The following AFMID variants were observed in gnomAD, a reference collection of about 807,000 sequenced individuals.
AFMID encodes kynurenine formamidase.
In AFMID, 39 loss-of-function variants were observed where a neutral mutation model predicts 47.5. The ratio of observed to expected loss-of-function variants is 0.82; its 90% confidence interval spans 0.64 to 1.07. AFMID has a LOEUF of 1.07. Ranked by LOEUF, AFMID falls within the 50% of genes least tolerant of loss-of-function variation. The pLI is 0.00. For missense variants in AFMID, 375 were observed against 387.5 expected (o/e 0.97, Z 0.27); for synonymous variants, 130 against 153.2 (o/e 0.85, Z 1.12).
Position 78,202,739 on chromosome 17 carries a change from G to A in AFMID, c.296G>A (p.Trp99Ter). ...TTCCTGTTCTTTCACGGAGGATACT[G>A]GCAGAGCGGAAGGTGAGTCGGGGGA... ...PFFLFFHGGY[W>*]QSGSKDESAF... The change falls in exon 4 of 11, where the codon TGG becomes TAG. Residue 99 changes from tryptophan to a stop codon, truncating the protein, a stop_gained. Coordinates refer to ENST00000409257, the MANE Select transcript of AFMID (RefSeq NM_001010982.5). LOFTEE classifies it high-confidence loss of function. 6.4e-7 allele frequency: 1 copy of A among 1,558,478 alleles called. No individual in the cohort carries two copies. Among genetic ancestry groups the A allele is most frequent in the Non-Finnish European group, 8.7e-7 (1 of 1,150,648 alleles).
intron 1 of AFMID, among the ~76,000 whole-genome samples, chr17:78,189,830 GTTT>G (rs770053983): frequency 1.8e-5 from 2 of 109,434 alleles, no homozygotes; most frequent in South Asian, 3.1e-4. Context: ...TTTTCTGTTG[GTTT>G]TTTTTTTTTT....
rs149822815 is a variant in AFMID at position 78,202,554 on chromosome 17, C to T, written c.210C>T (p.Asp70=). Residue 70 remains aspartate, a synonymous_variant, in exon 3 of 11, where the codon GAC becomes GAT. Coordinates refer to ENST00000409257, the MANE Select transcript of AFMID (RefSeq NM_001010982.5). Reference sequence around the variant, plus strand: ...GCCTGCTGCATGTCCCCTATGGAGACGGCGAAGGGGAGAAAGTGGACATTT... The same window carrying T: ...GCCTGCTGCATGTCCCCTATGGAGATGGCGAAGGGGAGAAAGTGGACATTT... The part of the protein sequence containing the change: ...RKSLLHVPYG[D]GEGEKVDIYF... 27 of 1,613,740 alleles carry T rather than the reference C, an allele frequency of 1.7e-5. No individual in the cohort carries two copies. Among genetic ancestry groups the T allele is most frequent in the South Asian group, 4.4e-5 (4 of 91,084 alleles).
intron 2 of AFMID, among the ~76,000 whole-genome samples, chr17:78,200,046 TA>T (rs917290831): frequency 2.2e-3 from 294 of 135,062 alleles, no homozygotes; most frequent in African/African-American, 5.0e-3. Context: ...CACAACGACA[TA>T]AAAAAAAAAA....
intron 2 of AFMID, among the ~76,000 whole-genome samples, chr17:78,197,855 A>T (rs1245221700): frequency 1.3e-5 from 2 of 152,224 alleles, no homozygotes; most frequent in East Asian, 3.9e-4. Flanking sequence ...CCGGTGGCGC[A>T]TGCCTGTAAT....
Position 78,207,161 on chromosome 17 carries a change from G to A in AFMID, c.*224G>A, listed in dbSNP as rs998385056. ...GGATGGAGCTCCAGGGCTGGGGAAC[G>A]TCCGCAAGTCAATGCTCAGAGATGC... On this transcript the variant is annotated 3_prime_UTR_variant, in exon 11 of 11. Coordinates refer to ENST00000409257, the MANE Select transcript of AFMID (RefSeq NM_001010982.5). 19 of 593,780 alleles carry A rather than the reference G, an allele frequency of 3.2e-5. 1 individual carries two copies. The highest frequency in any genetic ancestry group is 5.6e-5 in the African/African-American group (3 of 53,286). 36.8% of individuals were successfully genotyped at this position (593,780 alleles called of 1,614,324 possible).
intron 2 of AFMID, among the ~76,000 whole-genome samples, chr17:78,199,220 A>G (rs987400997): frequency 1.3e-5 from 2 of 152,186 alleles, no homozygotes; most frequent in Admixed American, 6.5e-5. Context: ...TAATCCATCC[A>G]GCTGAAGTGG....
rs2076403793 is a variant in AFMID at position 78,207,153 on chromosome 17, T to C, written c.*216T>C. Reference sequence around the variant, plus strand: ...CCCAGCCTGGATGGAGCTCCAGGGCTGGGGAACGTCCGCAAGTCAATGCTC... The same window carrying C: ...CCCAGCCTGGATGGAGCTCCAGGGCCGGGGAACGTCCGCAAGTCAATGCTC... On this transcript the variant is annotated 3_prime_UTR_variant, in exon 11 of 11. Coordinates refer to ENST00000409257, the MANE Select transcript of AFMID (RefSeq NM_001010982.5). The C allele has an allele frequency of 1.6e-6, 1 of 607,442 alleles. No individual in the cohort carries two copies. Among genetic ancestry groups the C allele is most frequent in the Non-Finnish European group, 2.9e-6 (1 of 345,440 alleles). The allele number at this position is 607,442 out of a possible 1,614,324, so 37.6% of individuals were successfully genotyped here.
At chr17:78,202,442 G>T (rs2076268666) in intron 2 of AFMID, 57 bp from the exon 3 acceptor site, 1 of 1,558,322 alleles carries the variant, frequency 6.4e-7, no homozygotes, top group Non-Finnish European at 8.8e-7. Context: ...AAAAAGAAAA[G>T]AAAAATTTCT....
chr17:78,199,830 C>T (rs2076204120), intron 2 of AFMID, among the ~76,000 whole-genome samples: 1 of 152,084 alleles, frequency 6.6e-6, no homozygotes, highest in Non-Finnish European at 1.5e-5. Context: ...GAGATCAACC[C>T]AGCAGCCCAA....
In AFMID at chr17:78,207,048, G is replaced by C; in HGVS notation, c.*111G>C. 1 of 1,181,160 alleles carries C rather than the reference G, an allele frequency of 8.5e-7. No individual in the cohort carries two copies. Among genetic ancestry groups the C allele is most frequent in the Non-Finnish European group, 1.3e-6 (1 of 790,980 alleles). 73.2% of individuals were successfully genotyped at this position (1,181,160 alleles called of 1,614,324 possible). Reference sequence around the variant, plus strand: ...TCAGTTTCCCCCAGCACCCAGGAGAGCCTTGCTGTGTCTGTCTGCCCGGCA... The same window carrying C: ...TCAGTTTCCCCCAGCACCCAGGAGACCCTTGCTGTGTCTGTCTGCCCGGCA... On this transcript the variant is annotated 3_prime_UTR_variant, in exon 11 of 11. Transcript: ENST00000409257.
At chr17:78,198,505 G>A (rs533913943) in intron 2 of AFMID, among the ~76,000 whole-genome samples, 48 of 152,050 alleles carry the variant, frequency 3.2e-4, no homozygotes, top group Non-Finnish European at 5.9e-4. Context: ...TTACTTGGGA[G>A]GCTGCGGCAG....
At chr17:78,199,633 A>G (rs1336220744) in intron 2 of AFMID, among the ~76,000 whole-genome samples, 2 of 151,858 alleles carry the variant, frequency 1.3e-5, no homozygotes, top group Admixed American at 6.6e-5. Context: ...TCGGCCTCCC[A>G]AAGTGCTGGG....
rs1340371287 is a variant in AFMID, at chr17:78,207,106, A to G, written c.*169A>G. ...ATTCTCACTGCTGGGACACTCATGA[A>G]AATCTCCACGTCCTCCCTCTTCCCA... On this transcript the variant is annotated 3_prime_UTR_variant, in exon 11 of 11. Transcript: ENST00000409257. 1 of 721,908 alleles carries G rather than the reference A, an allele frequency of 1.4e-6. No individual in the cohort carries two copies. The highest frequency in any genetic ancestry group is 2.7e-5 in the East Asian group (1 of 37,088). The allele number at this position is 721,908 out of a possible 1,614,324, so 44.7% of individuals were successfully genotyped here.
Position 78,206,035 on chromosome 17 carries a change from C to A in AFMID, c.870C>A (p.Asp290Glu). ...FEIVENLTQK[D>E]NVLTQIILKT... ...TTGTTGAGAATCTGACCCAGAAGGA[C>A]AACGTGCTCACCCAGGTGGGGCCTC... Residue 290 changes from aspartate to glutamate, a missense_variant, in exon 10 of 11, where the codon GAC becomes GAA. Transcript: ENST00000409257. 6.2e-7 allele frequency: 1 copy of A among 1,614,144 alleles called. No homozygotes were observed. Among genetic ancestry groups the A allele is most frequent in the African/African-American group, 1.3e-5 (1 of 75,048 alleles).
intron 1 of AFMID, among the ~76,000 whole-genome samples, chr17:78,189,830 GTT>G (rs770053983): frequency 1.4e-4 from 15 of 109,442 alleles, no homozygotes; most frequent in Admixed American, 2.0e-4. Flanking sequence ...TTTTCTGTTG[GTT>G]TTTTTTTTTT....
chr17:78,205,803 CT>C (rs2076365402), intron 9 of AFMID, 65 bp downstream of exon 9: 2 of 1,600,948 alleles, frequency 1.2e-6, no homozygotes, highest in South Asian at 2.2e-5. Flanking sequence ...TTTCCTCTTT[CT>C]TTTACCCAAG....
chr17:78,198,917 T>G (rs2076178714), intron 2 of AFMID, among the ~76,000 whole-genome samples: 1 of 152,176 alleles, frequency 6.6e-6, no homozygotes, highest in African/African-American at 2.4e-5. Context: ...CCCGTCAAGG[T>G]GGCCACTGTT....
chr17:78,197,712 G>A (rs1341683989), intron 2 of AFMID, among the ~76,000 whole-genome samples: 1 of 152,004 alleles, frequency 6.6e-6, no homozygotes, highest in Admixed American at 6.6e-5. Flanking sequence ...GCCTTCCAGG[G>A]AACAGGTCAA....
In AFMID at chr17:78,205,925, TC is replaced by T. The variant is rs1567856499; in HGVS notation, c.781-18del. Reference sequence around the variant, plus strand: ...CCCCTCCCACTGCTCAGGCCCCTCTTCCCATGTCTCCCCTGCCCAGACCCTG... The same window carrying T: ...CCCCTCCCACTGCTCAGGCCCCTCTTCCATGTCTCCCCTGCCCAGACCCTG... On this transcript the variant is annotated intron_variant, in intron 9 of 10. Transcript: ENST00000409257. 6.2e-7 allele frequency: 1 copy of T among 1,612,650 alleles called. No homozygotes were observed. Among genetic ancestry groups the T allele is most frequent in the Non-Finnish European group, 8.5e-7 (1 of 1,178,980 alleles).
Sources: gnomAD v4.1 joint callset for allele counts (sites outside exome capture counted in the v4.1 genomes callset) on GRCh38, gnomAD v4.1.1 for gene constraint, MANE v1.5 for transcripts, NCBI Gene and HGNC (gene_info 2026-07-23, HGNC 2026-07-21) for gene names.